Variants in GREP1 observed in about 807,000 individuals in gnomAD.
GREP1 encodes the protein glycine-rich extracellular protein 1.
intron 27 of GREP1, 70 bp from the exon 25 acceptor site, chr16:2,999,832 G>A (rs1163868063): frequency 5.0e-6 from 2 of 398,884 alleles, no homozygotes; most frequent in Non-Finnish European, 8.8e-6. Flanking sequence ...AGTCCCTAAG[G>A]TCGATCTTTG....
Position 2,995,736 on chromosome 16 carries a change from C to G in GREP1, c.590-3C>G. On this transcript the variant is annotated splice_polypyrimidine_tract_variant and splice_region_variant and intron_variant, in intron 16 of 34. Transcript: ENST00000573315. ...CTCACCAGCCCCCCTATATCTCCTC[C>G]AGGCCTTGGAGGGAATGTGAAGCCT... is the stretch of plus-strand genomic sequence containing the variant. 2.5e-6 allele frequency: 1 copy of G among 398,356 alleles called. No homozygotes were observed. The highest frequency in any genetic ancestry group is 4.4e-6 in the Non-Finnish European group (1 of 226,202). 24.7% of individuals were successfully genotyped at this position (398,356 alleles called of 1,614,324 possible). A position where few individuals can be genotyped will look rare whatever the true frequency, so the allele number is the denominator to read the frequency against.
rs2072451977 is a variant in GREP1, at chr16:3,000,126, C to T, written c.1264+8C>T. ...TCGAGCCACAGAAAATTGGTGAGTC[C>T]TCCTGGGCCCCCGACCCATGTTGAG... On this transcript the variant is annotated splice_region_variant and intron_variant, in intron 29 of 34. Transcript: ENST00000573315. 3 of 399,020 alleles carry T rather than the reference C, an allele frequency of 7.5e-6. No individual in the cohort carries two copies. The South Asian group carries it at 3.8e-4, about 51-fold the overall frequency. 24.7% of individuals were successfully genotyped at this position (399,020 alleles called of 1,614,324 possible).
exon 35 of GREP1, chr16:3,001,646 G>C (rs1368696722): frequency 2.5e-6 from 1 of 399,052 alleles, no homozygotes; most frequent in African/African-American, 2.1e-5. Context: ...TTGGCCTCTG[G>C]TGCTGCCTGG....
rs1432461520 is a variant in GREP1 at position 2,989,603 on chromosome 16, G to A, written c.130+51G>A. On this transcript the variant is annotated intron_variant, in intron 3 of 34. Coordinates refer to ENST00000573315, the Ensembl canonical transcript of GREP1. This position sits in a 1 kb window ranked among gnomAD's most constrained non-coding sequence, Gnocchi z 4.2. ...GCGTCTGAGGGCAGGGCACGGGGCA[G>A]GGGGGAGGCAGGACAGGAACAGGGA... is the stretch of plus-strand genomic sequence containing the variant. 1.0e-5 allele frequency: 4 copies of A among 400,668 alleles called. No homozygotes were observed. The highest frequency in any genetic ancestry group is 6.2e-5 in the African/African-American group (3 of 48,554). The allele number at this position is 400,668 out of a possible 1,614,324, so 24.8% of individuals were successfully genotyped here. A position where few individuals can be genotyped will look rare whatever the true frequency, so the allele number is the denominator to read the frequency against.
rs1348777908 is a variant in GREP1 at position 2,989,624 on chromosome 16, A to G, written c.130+72A>G. 13 of 388,322 alleles carry G rather than the reference A, an allele frequency of 3.3e-5. No homozygotes were observed. The highest frequency in any genetic ancestry group is 4.3e-5 in the African/African-American group (2 of 46,436). The allele number at this position is 388,322 out of a possible 1,614,324, so 24.1% of individuals were successfully genotyped here. A position where few individuals can be genotyped will look rare whatever the true frequency, so the allele number is the denominator to read the frequency against. The stretch of plus-strand genomic sequence containing the variant: ...GGCAGGGGGGAGGCAGGACAGGAAC[A>G]GGGAAAGCTGGGCGGGGGGCAGGTA... On this transcript the variant is annotated intron_variant, in intron 3 of 34. Transcript: ENST00000573315. The surrounding 1 kb of genome is among the most constrained non-coding windows in gnomAD (Gnocchi z 4.2).
chr16:2,988,447 G>A (rs563614059), intron 1 of GREP1, 107 bp downstream of exon 1: 4 of 399,306 alleles, frequency 1.0e-5, no homozygotes, highest in Non-Finnish European at 1.8e-5. Flanking sequence ...GAGACAAGGA[G>A]GGCTGGGGTG....
exon 16 of GREP1, chr16:2,995,623 G>T (rs959139035): frequency 5.0e-6 from 2 of 398,580 alleles, no homozygotes; most frequent in Non-Finnish European, 8.9e-6. Flanking sequence ...CCATAGTCTT[G>T]ACAGCCCAGA....
intron 2 of GREP1, chr16:2,988,977 GGA>G: frequency 3.3e-6 from 1 of 299,806 alleles, no homozygotes; most frequent in Non-Finnish European, 6.1e-6. Context: ...GGCAGGAGGT[GGA>G]GTGTCATGGA....
chr16:2,997,422 C>T (rs1229186550), intron 22 of GREP1: 3 of 398,788 alleles, frequency 7.5e-6, no homozygotes, highest in South Asian at 1.3e-4. Flanking sequence ...AGAGCAGGTA[C>T]TGGGGGGCTG....
intron 10 of GREP1, 199 bp from the exon 12 acceptor site, chr16:2,994,499 G>A: frequency 5.2e-6 from 2 of 387,430 alleles, no homozygotes; most frequent in Non-Finnish European, 9.1e-6. Flanking sequence ...ACAAGAGCGA[G>A]ACTCCATCTC....
exon 35 of GREP1, chr16:3,001,689 G>A (rs1022409454): frequency 5.0e-6 from 2 of 398,950 alleles, no homozygotes; most frequent in Non-Finnish European, 8.8e-6. Flanking sequence ...AACCACAAAC[G>A]TGCTTCCCTG....
exon 35 of GREP1, chr16:3,001,914 G>A (rs2072464191): frequency 8.8e-6 from 3 of 339,176 alleles, no homozygotes; most frequent in African/African-American, 2.1e-5. Flanking sequence ...GCCTAGCGGG[G>A]GAACCACATC....
rs1007153419 is a variant in GREP1, at chr16:2,990,550, A to G, written c.233-2A>G. On this transcript the variant is annotated splice_acceptor_variant, in intron 6 of 34. Coordinates refer to ENST00000573315, the Ensembl canonical transcript of GREP1. LOFTEE classifies it high-confidence loss of function. ...TGACTCCCTCCTGCCTTCTCGCCCC[A>G]GGGTTCAGGACCTTCGCAGGTGCTG... The G allele has an allele frequency of 2.5e-6, 1 of 399,362 alleles. No individual in the cohort carries two copies. 24.7% of individuals were successfully genotyped at this position (399,362 alleles called of 1,614,324 possible).
chr16:2,996,352 GC>G, intron 18 of GREP1, 143 bp from the exon 18 acceptor site: 1 of 397,120 alleles, frequency 2.5e-6, no homozygotes, highest in Non-Finnish European at 4.4e-6. Context: ...ATGTGGCTCT[GC>G]CTCTGTGTCT....
At chr16:2,988,269 C>G (rs111496859) in exon 1 of GREP1, 8 of 399,184 alleles carry the variant, frequency 2.0e-5, no homozygotes, top group African/African-American at 2.1e-5. Context: ...CCCACTCTGC[C>G]TAGAGTCATG....
chr16:2,990,030 T>C (rs897087752), intron 4 of GREP1, 24 bp downstream of exon 4: 29 of 399,336 alleles, frequency 7.3e-5, no homozygotes, highest in African/African-American at 5.8e-4. Context: ...CGGCCCCAGC[T>C]CTTTGTCTCC....
intron 17 of GREP1, 70 bp downstream of exon 17, chr16:2,995,841 C>T: frequency 2.5e-6 from 1 of 398,604 alleles, no homozygotes; most frequent in Non-Finnish European, 4.4e-6. Context: ...TCTACTCATG[C>T]TCCCTCCCTC....
chr16:2,989,187 CTG>C lies in GREP1; in HGVS notation c.101-335_101-334del. Reference sequence around the variant, plus strand: ...GGAGAGGAAGAGGGTGGAGTGGGCTCTGCCCCACAGTCCCCCAGAGCCCTGGC... The same window carrying C: ...GGAGAGGAAGAGGGTGGAGTGGGCTCCCCCACAGTCCCCCAGAGCCCTGGC... On this transcript the variant is annotated intron_variant, in intron 2 of 34. Coordinates refer to ENST00000573315, the Ensembl canonical transcript of GREP1. The surrounding 1 kb of genome is among the most constrained non-coding windows in gnomAD (Gnocchi z 4.2). The C allele has an allele frequency of 3.0e-6, 1 of 334,430 alleles. No individual in the cohort carries two copies. 20.7% of individuals were successfully genotyped at this position (334,430 alleles called of 1,614,324 possible).
At position 2,991,019 on chromosome 16, in the gene GREP1, C is replaced by A; in HGVS notation, c.269-29C>A. ...TCTGCTTGACGCCCCATTCCCCCTC[C>A]TCATGTCCCTCTGGCTCTGTCTCCC... On this transcript the variant is annotated intron_variant, in intron 7 of 34. Transcript: ENST00000573315. This position sits in a 1 kb window ranked among gnomAD's most constrained non-coding sequence, Gnocchi z 4.9. The A allele has an allele frequency of 7.5e-6, 3 of 399,288 alleles. No homozygotes were observed. Among genetic ancestry groups the A allele is most frequent in the Non-Finnish European group, 1.3e-5 (3 of 226,216 alleles). The allele number at this position is 399,288 out of a possible 1,614,324, so 24.7% of individuals were successfully genotyped here.
Sources: allele counts gnomAD v4.1 joint callset, GRCh38; gene constraint gnomAD v4.1.1; non-coding constraint Gnocchi (gnomAD v3.1); transcripts MANE v1.5; gene names NCBI Gene and HGNC (gene_info 2026-07-23, HGNC 2026-07-21).